Variants in ZNF146 observed in about 807,000 individuals in gnomAD.
ZNF146 encodes zinc finger protein 146, also known as zinc finger protein OZF.
Under a neutral mutation model 22.2 loss-of-function variants are expected in ZNF146, and 9 were observed. That is an observed-to-expected ratio of 0.41 (90% CI 0.24 to 0.71). The LOEUF (loss-of-function observed/expected upper bound fraction) is 0.71. Among genes scored for constraint, ZNF146 ranks in the 30% least tolerant of loss-of-function variants. The probability of loss-of-function intolerance (pLI) is 0.34; values close to 1 mark genes in which losing one functional copy is unlikely to be tolerated. For missense variants in ZNF146, 194 were observed against 344.8 expected (o/e 0.56, Z 3.46); for synonymous variants, 108 against 119.2 (o/e 0.91, Z 0.61).
chr19:36,216,935 C>T (rs1487024406), intron 1 of ZNF146, among the ~76,000 whole-genome samples: 1 of 151,512 alleles, frequency 6.6e-6, no homozygotes, highest in Non-Finnish European at 1.5e-5. Context: ...TGAGATCTCC[C>T]GTAGTCCTAG....
intron 2 of ZNF146, among the ~76,000 whole-genome samples, chr19:36,219,922 T>G (rs2145401054): frequency 6.6e-6 from 1 of 152,362 alleles, no homozygotes; most frequent in South Asian, 2.1e-4. Flanking sequence ...CATCAAATTG[T>G]ATCTTTTTTT....
chr19:36,221,323 C>G (rs1174855574), intron 2 of ZNF146, among the ~76,000 whole-genome samples: 1 of 124,846 alleles, frequency 8.0e-6, no homozygotes, highest in African/African-American at 3.1e-5. Flanking sequence ...GAGTCTCACT[C>G]TGTCCCCTAG....
chr19:36,226,144 G>T (rs28414272), intron 2 of ZNF146, among the ~76,000 whole-genome samples: 26,025 of 152,068 alleles, frequency 0.17, 2,549 homozygotes, highest in Non-Finnish European at 0.22. Flanking sequence ...TTCTGTTCTA[G>T]CCCTATTCTG....
chr19:36,230,553 AAGAGTGCG>A (rs1977287769), intron 3 of ZNF146, among the ~76,000 whole-genome samples: 2 of 152,156 alleles, frequency 1.3e-5, no homozygotes, highest in Admixed American at 6.6e-5. Context: ...AAAAGATCTG[AAGAGTGCG>A]AGAGTGGGCG....
chr19:36,215,801 G>A (rs551219603), intron 1 of ZNF146, among the ~76,000 whole-genome samples: 55 of 152,264 alleles, frequency 3.6e-4, no homozygotes, highest in Non-Finnish European at 6.6e-4. Context: ...TGTACGCTTT[G>A]AGAAGCAATC....
chr19:36,228,058 G>A (rs1977152768), intron 2 of ZNF146, among the ~76,000 whole-genome samples: 2 of 151,858 alleles, frequency 1.3e-5, no homozygotes, highest in African/African-American at 2.4e-5. Flanking sequence ...TACTCAGGAG[G>A]CTGAGGCAGG....
Position 36,220,360 on chromosome 19 carries a change from TAATTTAATTTTA to T in ZNF146, c.-855+2166_-855+2177del, listed in dbSNP as rs1568429096. Among the ~76,000 whole-genome samples the T allele has an allele frequency of 3.2e-3, 468 of 146,478 alleles. 15 individuals are homozygous for T. Among genetic ancestry groups the T allele is most frequent in the Non-Finnish European group, 4.7e-3 (313 of 66,062 alleles). On this transcript the variant is annotated intron_variant, in intron 2 of 3. Transcript: ENST00000443387. ...TTTCTTAGCTCCTAGTTCTTTTTTT[TAATTTAATTTTA>T]TTTTATTTTTGAGACGGAGTCTTGC...
chr19:36,220,668 C>T (rs1398203352), intron 2 of ZNF146, among the ~76,000 whole-genome samples: 1 of 151,718 alleles, frequency 6.6e-6, no homozygotes, highest in Admixed American at 6.6e-5. Flanking sequence ...GCCCGGCCTC[C>T]TAGTTGTATT....
Position 36,231,909 on chromosome 19 carries a change from TA to T in ZNF146, c.-783+3101del, listed in dbSNP as rs60263832. Among the ~76,000 whole-genome samples, 823 of 145,790 alleles carry T rather than the reference TA, an allele frequency of 5.6e-3. 14 individuals are homozygous for T. Among genetic ancestry groups the T allele is most frequent in the African/African-American group, 0.018 (738 of 40,024 alleles). On this transcript the variant is annotated intron_variant, in intron 3 of 3. Coordinates refer to ENST00000443387, the MANE Select transcript of ZNF146 (RefSeq NM_007145.3). ...GTTGAGACCCCGTATCTTTTTTATT[TA>T]AAAAAAAAAAGGCCAGACTCGGTGG... is the stretch of plus-strand genomic sequence containing the variant.
At position 36,217,046 on chromosome 19, in the gene ZNF146, A is replaced by G. The variant is rs559539220; in HGVS notation, c.-928-1076A>G. Among the ~76,000 whole-genome samples, 125 of 130,354 alleles carry G rather than the reference A, an allele frequency of 9.6e-4. No homozygotes were observed. The East Asian group carries it at 0.021, about 22-fold the overall frequency. The allele number at this position is 130,354 out of a possible 152,430, so 85.5% of individuals were successfully genotyped here. A position where few individuals can be genotyped will look rare whatever the true frequency, so the allele number is the denominator to read the frequency against. ...CAGCATTCCAGCTTGGTGGACAGCC[A>G]GTCCCTGTCTTTTTTTTTTTTTTTT... is the stretch of plus-strand genomic sequence containing the variant. On this transcript the variant is annotated intron_variant, in intron 1 of 3. Transcript: ENST00000443387.
chr19:36,217,073 T>TTTTG (rs1976642119), intron 1 of ZNF146, among the ~76,000 whole-genome samples: 1 of 138,948 alleles, frequency 7.2e-6, no homozygotes, highest in Admixed American at 7.3e-5. Context: ...TTTTTTTTTT[T>TTTTG]TTTTTTTGAG....
At chr19:36,230,430 A>G (rs543656582) in intron 3 of ZNF146, among the ~76,000 whole-genome samples, 2 of 152,214 alleles carry the variant, frequency 1.3e-5, no homozygotes, top group East Asian at 3.8e-4. Context: ...TCAGATAGTG[A>G]TAAGTGCTAT....
chr19:36,226,969 G>A (rs1977093757), intron 2 of ZNF146, among the ~76,000 whole-genome samples: 1 of 152,130 alleles, frequency 6.6e-6, no homozygotes, highest in Non-Finnish European at 1.5e-5. Flanking sequence ...TATAGTCCCA[G>A]CTGCTCCGGA....
chr19:36,236,608 G>A lies in ZNF146; in HGVS notation c.168G>A (p.Lys56=), dbSNP rs1252446049. 1.2e-6 allele frequency: 2 copies of A among 1,614,088 alleles called. No homozygotes were observed. The highest frequency in any genetic ancestry group is 1.7e-6 in the Non-Finnish European group (2 of 1,179,990). Residue 56 remains lysine, a synonymous_variant, in exon 4 of 4, where the codon AAG becomes AAA. Transcript: ENST00000443387. ...AGTGTGGAAAAGCCTTTAGCCAAAAGCAGTATGTCATTAAACATCAGAACA... is the reference window on the plus strand; with the variant it reads ...AGTGTGGAAAAGCCTTTAGCCAAAAACAGTATGTCATTAAACATCAGAACA... The part of the protein sequence containing the change: ...CNECGKAFSQ[K]QYVIKHQNTH...
At chr19:36,219,942 T>G (rs2145401219) in intron 2 of ZNF146, among the ~76,000 whole-genome samples, 1 of 152,360 alleles carries the variant, frequency 6.6e-6, no homozygotes, top group South Asian at 2.1e-4. Flanking sequence ...TCCCCCTGGC[T>G]TTTTCTTTCT....
At chr19:36,235,326 A>G (rs1467614147) in intron 3 of ZNF146, among the ~76,000 whole-genome samples, 1 of 152,104 alleles carries the variant, frequency 6.6e-6, no homozygotes, top group African/African-American at 2.4e-5. Flanking sequence ...TTGTTATACA[A>G]CTTGCTAAAT....
chr19:36,236,207 C>T lies in ZNF146; in HGVS notation c.-234C>T, dbSNP rs556382313. The T allele has an allele frequency of 1.1e-5, 5 of 457,554 alleles. No individual in the cohort carries two copies. Among genetic ancestry groups the T allele is most frequent in the South Asian group, 4.2e-5 (1 of 23,718 alleles). 28.3% of individuals were successfully genotyped at this position (457,554 alleles called of 1,614,324 possible). A position where few individuals can be genotyped will look rare whatever the true frequency, so the allele number is the denominator to read the frequency against. On this transcript the variant is annotated 5_prime_UTR_variant, in exon 4 of 4. Coordinates refer to ENST00000443387, the MANE Select transcript of ZNF146 (RefSeq NM_007145.3). ...GCTGGAGAGAAACTAGTGAAGGTAG[C>T]AATACTTCATTGAATATTAGAAAAT...
chr19:36,225,088 G>C (rs1977011329), intron 2 of ZNF146, among the ~76,000 whole-genome samples: 1 of 152,066 alleles, frequency 6.6e-6, no homozygotes, highest in Non-Finnish European at 1.5e-5. Flanking sequence ...ATCATGATTT[G>C]CTTTTCAGTG....
intron 2 of ZNF146, among the ~76,000 whole-genome samples, chr19:36,219,087 C>T (rs902708445): frequency 5.3e-5 from 8 of 152,078 alleles, no homozygotes; most frequent in African/African-American, 1.7e-4. Context: ...GGATTACAGG[C>T]GTGAGCCACT....
Sources: allele counts gnomAD v4.1 joint callset (sites outside exome capture counted in the v4.1 genomes callset), GRCh38; gene constraint gnomAD v4.1.1; transcripts MANE v1.5; gene names NCBI Gene and HGNC (gene_info 2026-07-23, HGNC 2026-07-21).